The following GLI2 variants were observed in gnomAD, a reference collection of about 807,000 sequenced individuals.
The protein encoded by GLI2 is GLI family zinc finger 2.
In GLI2, 22 loss-of-function variants were observed where a neutral mutation model predicts 78.9. The ratio of observed to expected loss-of-function variants is 0.28; its 90% CI spans 0.20 to 0.40. The LOEUF (loss-of-function observed/expected upper bound fraction) is 0.40, where lower values mean the gene tolerates loss of function less well. Ranked by LOEUF, GLI2 falls within the 10% of genes least tolerant of loss-of-function variation. The pLI, the probability that GLI2 is intolerant of heterozygous loss-of-function variation, is 1.00. For synonymous variants in GLI2, 974 were observed against 963.7 expected (o/e 1.01, Z -0.20); for missense variants, 2,097 against 2,213.2 (o/e 0.95, Z 1.05).
intron 13 of GLI2, 81 bp from the exon 14 acceptor site, chr2:120,988,127 G>T: frequency 6.4e-6 from 8 of 1,259,220 alleles, no homozygotes; most frequent in Non-Finnish European, 8.7e-6. Context: ...CGGGCTCCAG[G>T]CCCAGTGCGA....
intron 7 of GLI2, among the ~76,000 whole-genome samples, chr2:120,971,457 T>C (rs1434779977): frequency 6.6e-6 from 1 of 152,258 alleles, no homozygotes; most frequent in Non-Finnish European, 1.5e-5. Flanking sequence ...CCAGGGCTCC[T>C]GGTGGCTCCC....
intron 2 of GLI2, among the ~76,000 whole-genome samples, chr2:120,923,117 A>T (rs906094365): frequency 7.1e-6 from 1 of 141,756 alleles, no homozygotes. Flanking sequence ...ATGCACATAC[A>T]CACAGCAACA....
At chr2:120,979,338 T>C (rs957237791) in intron 10 of GLI2, among the ~76,000 whole-genome samples, 3 of 152,124 alleles carry the variant, frequency 2.0e-5, no homozygotes, top group Admixed American at 1.3e-4. Flanking sequence ...GTCAACAGGA[T>C]TTATGACTAT....
At chr2:120,798,171 T>G (rs1190410836) in intron 2 of GLI2, among the ~76,000 whole-genome samples, 3 of 152,240 alleles carry the variant, frequency 2.0e-5, no homozygotes, top group Non-Finnish European at 4.4e-5. Flanking sequence ...TTTGTTCCAG[T>G]GCATTTAGTC....
At chr2:120,812,298 G>A (rs7579985) in intron 2 of GLI2, among the ~76,000 whole-genome samples, 2,308 of 152,274 alleles carry the variant, frequency 0.015, 65 homozygotes, top group African/African-American at 0.053. Flanking sequence ...CCCTCACTGC[G>A]TTGGGAGTCC....
At chr2:120,913,953 C>CGGCAGGACGCAA (rs1201715501) in intron 2 of GLI2, among the ~76,000 whole-genome samples, 1 of 152,174 alleles carries the variant, frequency 6.6e-6, no homozygotes, top group East Asian at 1.9e-4. Context: ...TTGATGCTCT[C>CGGCAGGACGCAA]GGCAGGACGC....
In GLI2 at chr2:120,990,251, A is replaced by G. The variant is rs199512645; in HGVS notation, c.4286A>G (p.Tyr1429Cys). 2 of 1,613,646 alleles carry G rather than the reference A, an allele frequency of 1.2e-6. No individual in the cohort carries two copies. The highest frequency in any genetic ancestry group is 2.2e-5 in the East Asian group (1 of 44,874). ...GGGGCCCCGGACCACAGCATGCTCTACTACTACGGCCAGATCCACATGTAC... is the reference window on the plus strand; with the variant it reads ...GGGGCCCCGGACCACAGCATGCTCTGCTACTACGGCCAGATCCACATGTAC... ...AGGAPDHSML[Y>C]YYGQIHMYEQ... Residue 1429 changes from tyrosine (Y) to cysteine (C), a missense_variant, in exon 14 of 14, where the codon TAC becomes TGC. Physicochemically the swap from Tyr to Cys is radical, Grantham distance 194. This residue lies in a region of GLI2 where 1,290 missense variants were observed against 1,261.7 expected (regional missense o/e 1.02). Coordinates refer to ENST00000361492, the MANE Select transcript of GLI2 (RefSeq NM_001374353.1).
At chr2:120,742,263 C>T (rs1048331403) in intron 1 of GLI2, among the ~76,000 whole-genome samples, 1 of 152,144 alleles carries the variant, frequency 6.6e-6, no homozygotes, top group African/African-American at 2.4e-5. Flanking sequence ...TGTAGGGATT[C>T]GAAACCTCTT....
intron 2 of GLI2, among the ~76,000 whole-genome samples, chr2:120,798,587 G>C (rs1033910200): frequency 6.6e-6 from 1 of 152,182 alleles, no homozygotes; most frequent in African/African-American, 2.4e-5. Context: ...TGTCAGGAAA[G>C]GGAGATCTGA....
At chr2:120,956,864 C>T (rs1681292225) in intron 5 of GLI2, among the ~76,000 whole-genome samples, 1 of 152,078 alleles carries the variant, frequency 6.6e-6, no homozygotes, top group Admixed American at 6.5e-5. Flanking sequence ...TTGCTCACCC[C>T]GACCCGCCCC....
intron 2 of GLI2, among the ~76,000 whole-genome samples, chr2:120,850,528 G>A (rs1481701773): frequency 1.3e-5 from 2 of 152,344 alleles, no homozygotes; most frequent in East Asian, 3.9e-4. Flanking sequence ...TTTACCTTCT[G>A]TATATCTTTG....
chr2:120,736,995 A>G (rs1573541064), intron 1 of GLI2, among the ~76,000 whole-genome samples: 1 of 149,190 alleles, frequency 6.7e-6, no homozygotes, highest in African/African-American at 2.5e-5. Context: ...CTTCCACCTC[A>G]CTTTCATCCC....
chr2:120,972,934 C>G (rs548607967), intron 8 of GLI2, among the ~76,000 whole-genome samples: 1 of 152,112 alleles, frequency 6.6e-6, no homozygotes, highest in East Asian at 1.9e-4. Context: ...AAGGGCATGC[C>G]GTGCCTGTTG....
chr2:120,750,747 A>G (rs1274912119), intron 1 of GLI2, among the ~76,000 whole-genome samples: 1 of 152,222 alleles, frequency 6.6e-6, no homozygotes, highest in Non-Finnish European at 1.5e-5. Context: ...AACAAAAGAC[A>G]TCCTGGCAGG....
At chr2:120,824,610 T>G (rs1290715745) in intron 2 of GLI2, among the ~76,000 whole-genome samples, 1 of 152,192 alleles carries the variant, frequency 6.6e-6, no homozygotes, top group East Asian at 1.9e-4. Context: ...CCTTTGGGTC[T>G]ACACCAGCAC....
intron 3 of GLI2, among the ~76,000 whole-genome samples, chr2:120,946,110 T>C (rs1273581969): frequency 1.3e-5 from 2 of 152,150 alleles, no homozygotes. Context: ...TGAGAAGCCT[T>C]CCTGCACACT....
At chr2:120,759,209 C>G (rs1683139261) in intron 1 of GLI2, among the ~76,000 whole-genome samples, 1 of 152,134 alleles carries the variant, frequency 6.6e-6, no homozygotes, top group African/African-American at 2.4e-5. Flanking sequence ...TCTCCATACC[C>G]ACGGCAAGCA....
intron 2 of GLI2, among the ~76,000 whole-genome samples, chr2:120,811,009 G>C (rs1573412168): frequency 6.6e-6 from 1 of 152,216 alleles, no homozygotes; most frequent in African/African-American, 2.4e-5. Context: ...TTATTGGCTA[G>C]GCCTGGGTCC....
intron 5 of GLI2, among the ~76,000 whole-genome samples, chr2:120,962,031 TCCCC>T: frequency 6.6e-6 from 1 of 152,086 alleles, no homozygotes; most frequent in African/African-American, 2.4e-5. Context: ...CGTGGGGGGA[TCCCC>T]AGCCCCGATT....
Sources: gnomAD v4.1 joint callset for allele counts (sites outside exome capture counted in the v4.1 genomes callset) on GRCh38, gnomAD v4.1.1 for gene constraint, gnomAD v4.1.1 regional missense constraint, MANE v1.5 for transcripts, NCBI Gene and HGNC (gene_info 2026-07-23, HGNC 2026-07-21) for gene names.